The following AOAH variants were observed in gnomAD, a reference collection of about 807,000 sequenced individuals.
AOAH encodes acyloxyacyl hydrolase (neutrophil).
In AOAH, 64 loss-of-function variants were observed where a neutral mutation model predicts 92.2. The ratio of observed to expected loss-of-function variants is 0.69; its 90% CI spans 0.57 to 0.86. AOAH has a LOEUF of 0.86. Among genes scored for constraint, AOAH ranks in the 40% least tolerant of loss-of-function variants. AOAH has a pLI of 0.00. For synonymous variants in AOAH, 263 were observed against 254.5 expected (o/e 1.03, Z -0.32); for missense variants, 656 against 694.6 (o/e 0.94, Z 0.62).
chr7:36,720,813 GTGGCCA>G (rs1235956126), intron 1 of AOAH, among the ~76,000 whole-genome samples: 3 of 152,234 alleles, frequency 2.0e-5, no homozygotes, highest in Admixed American at 6.5e-5. Context: ...CGCATATTCA[GTGGCCA>G]TGTGAGAACT....
chr7:36,637,580 T>A (rs973229832), intron 5 of AOAH, among the ~76,000 whole-genome samples: 4 of 152,008 alleles, frequency 2.6e-5, no homozygotes, highest in Non-Finnish European at 5.9e-5. Context: ...GGGTTGCTGC[T>A]GAACACCCTA....
chr7:36,567,972 A>G (rs763604308), intron 13 of AOAH, among the ~76,000 whole-genome samples: 2 of 152,240 alleles, frequency 1.3e-5, no homozygotes, highest in Non-Finnish European at 2.9e-5. Context: ...AGAGTGGCTA[A>G]AGGCAGATTC....
chr7:36,603,714 A>G (rs527558302), intron 11 of AOAH, among the ~76,000 whole-genome samples: 6 of 152,238 alleles, frequency 3.9e-5, no homozygotes, highest in African/African-American at 1.4e-4. Flanking sequence ...GCAGTGTCTG[A>G]CCCAAGGGCC....
At chr7:36,689,824 T>A (rs912302963) in intron 1 of AOAH, among the ~76,000 whole-genome samples, 3 of 152,220 alleles carry the variant, frequency 2.0e-5, no homozygotes, top group Admixed American at 1.3e-4. Flanking sequence ...ATCAATGGCA[T>A]AATAGACTTG....
intron 3 of AOAH, among the ~76,000 whole-genome samples, chr7:36,659,683 C>A (rs1795091226): frequency 2.0e-5 from 3 of 152,060 alleles, no homozygotes; most frequent in Non-Finnish European, 4.4e-5. Context: ...CCTTAAACAC[C>A]TAACCTTACT....
chr7:36,609,469 C>T (rs1791265051), intron 11 of AOAH, among the ~76,000 whole-genome samples: 1 of 152,186 alleles, frequency 6.6e-6, no homozygotes, highest in African/African-American at 2.4e-5. Context: ...AGGCTCTTGT[C>T]TCACTGTCCC....
At chr7:36,574,785 C>T (rs1399035423) in intron 13 of AOAH, among the ~76,000 whole-genome samples, 4 of 152,128 alleles carry the variant, frequency 2.6e-5, no homozygotes, top group Admixed American at 1.3e-4. Context: ...AAAATGAAAG[C>T]GATCACTCGT....
At chr7:36,661,503 C>T (rs902069241) in intron 3 of AOAH, among the ~76,000 whole-genome samples, 3 of 152,166 alleles carry the variant, frequency 2.0e-5, no homozygotes, top group Admixed American at 6.5e-5. Flanking sequence ...TGGGTATTTT[C>T]CTGACCTTTA....
At chr7:36,554,224 C>A (rs1225037232) in intron 13 of AOAH, among the ~76,000 whole-genome samples, 1 of 152,224 alleles carries the variant, frequency 6.6e-6, no homozygotes, top group Non-Finnish European at 1.5e-5. Context: ...TTCCCAGCAC[C>A]ATTTATTAAA....
chr7:36,629,084 T>A (rs1393720903), intron 6 of AOAH, among the ~76,000 whole-genome samples: 1 of 152,238 alleles, frequency 6.6e-6, no homozygotes, highest in Non-Finnish European at 1.5e-5. Context: ...ATCAATATTT[T>A]TACTGAACCA....
At chr7:36,636,636 T>C (rs534724816) in intron 5 of AOAH, among the ~76,000 whole-genome samples, 3 of 152,356 alleles carry the variant, frequency 2.0e-5, no homozygotes, top group Non-Finnish European at 4.4e-5. Flanking sequence ...AATGCAGACA[T>C]TGTGATTGAT....
At position 36,520,983 on chromosome 7, in the gene AOAH, T is replaced by TG. The variant is rs1562857979; in HGVS notation, c.1599+1055dup. Among the ~76,000 whole-genome samples the TG allele has an allele frequency of 2.6e-5, 4 of 152,348 alleles. No individual in the cohort carries two copies. In the South Asian group the frequency reaches 8.3e-4, roughly 32 times the overall value. ...TGGGACGCCACTTTTACTCATTTGT[T>TG]GGGGAGTGAGCATCCTTCTATTCTT... is the stretch of plus-strand genomic sequence containing the variant. On this transcript the variant is annotated intron_variant, in intron 20 of 20. Coordinates refer to ENST00000617537, the MANE Select transcript of AOAH (RefSeq NM_001637.4).
intron 13 of AOAH, among the ~76,000 whole-genome samples, chr7:36,572,444 G>A (rs1419699205): frequency 6.6e-6 from 1 of 151,822 alleles, no homozygotes; most frequent in Non-Finnish European, 1.5e-5. Flanking sequence ...GATCACTTGA[G>A]CCCAGTTGTT....
At chr7:36,520,971 T>A (rs1784077995) in intron 20 of AOAH, among the ~76,000 whole-genome samples, 2 of 152,216 alleles carry the variant, frequency 1.3e-5, no homozygotes, top group Non-Finnish European at 2.9e-5. Flanking sequence ...GACGCCACTT[T>A]TACTCATTTG....
At chr7:36,597,951 G>A (rs1412067071) in intron 11 of AOAH, 1 of 149,956 alleles carries the variant, frequency 6.7e-6, no homozygotes, top group Non-Finnish European at 1.5e-5. Flanking sequence ...CTGGAAATAA[G>A]TTCCATACCC....
chr7:36,565,311 G>A (rs1212076429), intron 13 of AOAH, among the ~76,000 whole-genome samples: 1 of 152,030 alleles, frequency 6.6e-6, no homozygotes, highest in Non-Finnish European at 1.5e-5. Flanking sequence ...CAAGGTTTGG[G>A]TTGAAACCAA....
chr7:36,540,481 G>T lies in AOAH; in HGVS notation c.1144C>A (p.Pro382Thr), dbSNP rs377250798. The change falls in exon 16 of 21, where the codon CCA (proline) becomes ACA (threonine). Residue 382 changes from proline (P) to threonine (T), a missense_variant. Pro to Thr is a conservative substitution (Grantham distance 38). Transcript: ENST00000617537. The stretch of plus-strand genomic sequence containing the variant: ...TCAGGAGTGGTCATGGCTGGGACTG[G>T]GTCACTCTTCCTGTTGGTGGAATAA... ...GNDVCSGKSD[P>T]VPAMTTPEKL... 7 of 1,608,356 alleles carry T rather than the reference G, an allele frequency of 4.4e-6. No individual in the cohort carries two copies. In the East Asian group the frequency reaches 6.7e-5, roughly 15 times the overall value.
At chr7:36,604,532 A>G (rs1221233102) in intron 11 of AOAH, among the ~76,000 whole-genome samples, 1 of 152,162 alleles carries the variant, frequency 6.6e-6, no homozygotes, top group Non-Finnish European at 1.5e-5. Flanking sequence ...GTATGGCCAT[A>G]TGACTAAGCT....
chr7:36,696,154 C>T (rs1797695516), intron 1 of AOAH, among the ~76,000 whole-genome samples: 1 of 152,210 alleles, frequency 6.6e-6, no homozygotes, highest in African/African-American at 2.4e-5. Context: ...TCTGTCCCCA[C>T]ACCAATACCA....
Sources: allele counts gnomAD v4.1 joint callset (sites outside exome capture counted in the v4.1 genomes callset), GRCh38; gene constraint gnomAD v4.1.1; transcripts MANE v1.5; gene names NCBI Gene and HGNC (gene_info 2026-07-23, HGNC 2026-07-21).